The following NUDCD1 variants were observed in gnomAD, a reference collection of about 807,000 sequenced individuals.
NUDCD1 encodes the protein NudC domain containing 1, also known as nudC domain-containing protein 1.
A neutral mutation model predicts 67.8 loss-of-function variants in NUDCD1; 60 were observed. The ratio of observed to expected loss-of-function variants is 0.88; its 90% CI spans 0.72 to 1.10. The LOEUF (loss-of-function observed/expected upper bound fraction) is 1.10. NUDCD1 is among the 50% of genes least tolerant of loss of function. NUDCD1 has a pLI of 0.00. For synonymous variants in NUDCD1, 244 were observed against 230.8 expected (o/e 1.06, Z -0.52); for missense variants, 643 against 695.0 (o/e 0.93, Z 0.84).
chr8:109,252,637 C>T (rs1438239312), intron 8 of NUDCD1, among the ~76,000 whole-genome samples: 1 of 152,166 alleles, frequency 6.6e-6, no homozygotes, highest in Admixed American at 6.5e-5. Context: ...ACGGGTCACA[C>T]CACGTCTTTA....
At chr8:109,328,576 A>AT (rs1815732031) in intron 1 of NUDCD1, among the ~76,000 whole-genome samples, 1 of 152,202 alleles carries the variant, frequency 6.6e-6, no homozygotes. Context: ...ACATAAGGCT[A>AT]GGAACCATAA....
chr8:109,262,662 C>G (rs554409955), intron 8 of NUDCD1, among the ~76,000 whole-genome samples: 185 of 152,200 alleles, frequency 1.2e-3, no homozygotes, highest in Middle Eastern at 6.8e-3. Context: ...ACTATATTGA[C>G]CAAGGGGCTC....
intron 8 of NUDCD1, among the ~76,000 whole-genome samples, chr8:109,250,014 T>G (rs1408707458): frequency 6.6e-6 from 1 of 151,792 alleles, no homozygotes; most frequent in Admixed American, 6.6e-5. Context: ...CCTGGGGAAT[T>G]TTTTTATTTT....
chr8:109,332,259 A>T (rs1307584812), intron 1 of NUDCD1, among the ~76,000 whole-genome samples: 1 of 152,190 alleles, frequency 6.6e-6, no homozygotes, highest in Non-Finnish European at 1.5e-5. Flanking sequence ...GCTAGTCAGG[A>T]GGCTACTAGA....
chr8:109,320,109 C>T (rs550390215), intron 2 of NUDCD1, among the ~76,000 whole-genome samples: 9 of 152,230 alleles, frequency 5.9e-5, no homozygotes, highest in South Asian at 2.1e-4. Flanking sequence ...AGGACTGGGG[C>T]GAAATTAAAA....
At chr8:109,291,441 A>T (rs1339635351) in intron 4 of NUDCD1, among the ~76,000 whole-genome samples, 1 of 152,162 alleles carries the variant, frequency 6.6e-6, no homozygotes, top group Non-Finnish European at 1.5e-5. Flanking sequence ...CTTTGCATCT[A>T]ACCTAAACTT....
intron 7 of NUDCD1, among the ~76,000 whole-genome samples, chr8:109,273,915 A>G (rs1586268582): frequency 6.6e-6 from 1 of 152,250 alleles, no homozygotes; most frequent in South Asian, 2.1e-4. Flanking sequence ...AGACATAAAA[A>G]TCCCCAAGAA....
intron 2 of NUDCD1, chr8:109,298,559 A>T (rs1390414576): frequency 2.0e-5 from 3 of 152,208 alleles, no homozygotes; most frequent in African/African-American, 7.2e-5. Flanking sequence ...GGAAAATAAT[A>T]CTGTTCTTAT....
intron 8 of NUDCD1, among the ~76,000 whole-genome samples, chr8:109,247,153 TTTA>T (rs1052903600): frequency 2.6e-5 from 4 of 152,188 alleles, no homozygotes; most frequent in African/African-American, 7.2e-5. Flanking sequence ...TAACTGGCCT[TTTA>T]TTATTATGTT....
intron 9 of NUDCD1, 76 bp from the exon 10 acceptor site, chr8:109,243,377 A>G (rs1047962690): frequency 1.7e-6 from 2 of 1,171,906 alleles, no homozygotes; most frequent in African/African-American, 3.1e-5. Flanking sequence ...TTAACATTTA[A>G]TATTTTGCAA....
intron 1 of NUDCD1, chr8:109,329,654 C>T: frequency 1.6e-6 from 1 of 640,186 alleles, no homozygotes; most frequent in Non-Finnish European, 2.5e-6. Context: ...GGAATGATAG[C>T]TAAGTTTAGT....
intron 1 of NUDCD1, chr8:109,329,951 C>A: frequency 6.9e-7 from 1 of 1,459,278 alleles, no homozygotes; most frequent in Non-Finnish European, 9.1e-7. Context: ...TATGGCAACG[C>A]ATAATACAGA....
chr8:109,304,875 C>A (rs1056199529), intron 2 of NUDCD1, among the ~76,000 whole-genome samples: 8 of 152,166 alleles, frequency 5.3e-5, no homozygotes, highest in Non-Finnish European at 1.5e-5. Flanking sequence ...CCAACTCCCC[C>A]ACTGAAACTT....
chr8:109,242,704 C>T lies in NUDCD1; in HGVS notation c.*305G>A, dbSNP rs975254882. Reference sequence around the variant, plus strand: ...CAATAAATATTTTTATTTTTAAACACTGAATTGTACATCTTTCATATAAAA... The same window carrying T: ...CAATAAATATTTTTATTTTTAAACATTGAATTGTACATCTTTCATATAAAA... On this transcript the variant is annotated 3_prime_UTR_variant, in exon 10 of 10. Transcript: ENST00000239690. 1 of 193,718 alleles carries T rather than the reference C, an allele frequency of 5.2e-6. No individual in the cohort carries two copies. The highest frequency in any genetic ancestry group is 1.1e-5 in the Non-Finnish European group (1 of 93,454). The allele number at this position is 193,718 out of a possible 1,614,324, so 12.0% of individuals were successfully genotyped here. A position where few individuals can be genotyped will look rare whatever the true frequency, so the allele number is the denominator to read the frequency against.
chr8:109,261,552 G>A (rs1813863709), intron 8 of NUDCD1, among the ~76,000 whole-genome samples: 1 of 152,068 alleles, frequency 6.6e-6, no homozygotes, highest in Admixed American at 6.5e-5. Context: ...GATAAGGGCT[G>A]TTAAACATAT....
At chr8:109,328,373 T>C (rs994754955) in intron 1 of NUDCD1, among the ~76,000 whole-genome samples, 1 of 150,914 alleles carries the variant, frequency 6.6e-6, no homozygotes, top group Non-Finnish European at 1.5e-5. Flanking sequence ...TTCAACCTCC[T>C]TGAGTTGAAG....
intron 1 of NUDCD1, among the ~76,000 whole-genome samples, chr8:109,322,885 C>T (rs1813690660): frequency 6.6e-6 from 1 of 152,100 alleles, no homozygotes; most frequent in Admixed American, 6.5e-5. Context: ...TTTTAATACA[C>T]ATTAAGAAAT....
At chr8:109,270,245 A>G (rs1814118035) in intron 8 of NUDCD1, among the ~76,000 whole-genome samples, 1 of 152,016 alleles carries the variant, frequency 6.6e-6, no homozygotes, top group Admixed American at 6.6e-5. Flanking sequence ...CAAATTTAAA[A>G]CACATCATAC....
chr8:109,284,797 A>G (rs1222929871), intron 5 of NUDCD1, among the ~76,000 whole-genome samples: 1 of 152,134 alleles, frequency 6.6e-6, no homozygotes, highest in Non-Finnish European at 1.5e-5. Context: ...AGCTAGCAAA[A>G]GAAAAGAAAT....
Sources: gnomAD v4.1 joint callset for allele counts (sites outside exome capture counted in the v4.1 genomes callset) on GRCh38, gnomAD v4.1.1 for gene constraint, MANE v1.5 for transcripts, NCBI Gene and HGNC (gene_info 2026-07-23, HGNC 2026-07-21) for gene names.